Variants in DOCK5 observed in about 807,000 individuals in gnomAD.
DOCK5 encodes the protein dedicator of cytokinesis 5, also known as dedicator of cytokinesis protein 5.
Under a neutral mutation model 251.8 loss-of-function variants are expected in DOCK5, and 142 were observed. That is an observed-to-expected ratio of 0.56 (90% CI 0.49 to 0.65). The LOEUF is 0.65. DOCK5 is among the 30% of genes least tolerant of loss of function. DOCK5 has a pLI of 0.00. For synonymous variants in DOCK5, 842 were observed against 835.5 expected (o/e 1.01, Z -0.13); for missense variants, 2,111 against 2,312.3 (o/e 0.91, Z 1.79).
At chr8:25,187,364 TTGTGTGTGTGTG>T (rs34685735) in intron 1 of DOCK5, among the ~76,000 whole-genome samples, 42 of 136,610 alleles carry the variant, frequency 3.1e-4, no homozygotes, top group African/African-American at 9.6e-4. Flanking sequence ...TGGGTGGAAA[TTGTGTGTGTGTG>T]TGTGTGTGTG....
intron 4 of DOCK5, among the ~76,000 whole-genome samples, chr8:25,275,809 C>T (rs1485646138): frequency 1.3e-5 from 2 of 152,086 alleles, no homozygotes; most frequent in African/African-American, 4.8e-5. Flanking sequence ...ACACTCTAAC[C>T]TGGGTGACAG....
intron 28 of DOCK5, 69 bp downstream of exon 28, chr8:25,359,130 C>A: frequency 1.4e-6 from 2 of 1,391,116 alleles, no homozygotes; most frequent in Non-Finnish European, 2.0e-6. Flanking sequence ...ATGACTGAAG[C>A]TGAGCATCGT....
At chr8:25,197,196 A>G (rs535144734) in intron 1 of DOCK5, among the ~76,000 whole-genome samples, 2 of 152,296 alleles carry the variant, frequency 1.3e-5, no homozygotes, top group African/African-American at 2.4e-5. Context: ...CTCCGGAATA[A>G]TGGGGGTTTT....
chr8:25,388,964 A>G (rs1460412940), intron 40 of DOCK5, 127 bp from the exon 41 acceptor site: 3 of 852,756 alleles, frequency 3.5e-6, no homozygotes, highest in South Asian at 1.8e-5. Flanking sequence ...CTAGATTTTC[A>G]GTGAGAACTT....
chr8:25,347,886 T>G (rs558629706), intron 26 of DOCK5, among the ~76,000 whole-genome samples: 2 of 152,296 alleles, frequency 1.3e-5, no homozygotes, highest in South Asian at 4.2e-4. Flanking sequence ...TCTACCAACC[T>G]TCTCACCACC....
intron 2 of DOCK5, among the ~76,000 whole-genome samples, chr8:25,247,745 C>T (rs188920491): frequency 6.6e-6 from 1 of 152,286 alleles, no homozygotes; most frequent in Admixed American, 6.5e-5. Flanking sequence ...ATCACAGATA[C>T]ATTCATTTCA....
At chr8:25,225,035 T>G (rs530424860) in intron 1 of DOCK5, among the ~76,000 whole-genome samples, 1 of 152,266 alleles carries the variant, frequency 6.6e-6, no homozygotes. Flanking sequence ...AAAACCACAA[T>G]GAAATATCAC....
intron 51 of DOCK5, among the ~76,000 whole-genome samples, chr8:25,410,939 A>ATGTGTGTGTGTG (rs763758410): frequency 5.9e-4 from 60 of 102,124 alleles, no homozygotes; most frequent in African/African-American, 2.0e-3. Context: ...GAGAGAGAAA[A>ATGTGTGTGTGTG]TGTGTGTGTG....
chr8:25,298,917 G>GT (rs779351553), intron 7 of DOCK5, 27 bp from the exon 8 acceptor site: 1 of 1,561,098 alleles, frequency 6.4e-7, no homozygotes, highest in Non-Finnish European at 8.6e-7. Flanking sequence ...AAATCAAGAT[G>GT]TTTTTCTCTG....
intron 5 of DOCK5, among the ~76,000 whole-genome samples, chr8:25,289,836 C>T (rs1804442782): frequency 6.6e-6 from 1 of 151,888 alleles, no homozygotes; most frequent in Non-Finnish European, 1.5e-5. Context: ...GAGCAAAACT[C>T]CGTTTCCAAA....
intron 5 of DOCK5, among the ~76,000 whole-genome samples, chr8:25,287,263 C>T (rs186702149): frequency 8.7e-4 from 132 of 152,254 alleles, no homozygotes; most frequent in Non-Finnish European, 1.5e-3. Flanking sequence ...ACTGTCTCTA[C>T]TAAAAATAAG....
At chr8:25,205,293 C>G (rs377208051) in intron 1 of DOCK5, among the ~76,000 whole-genome samples, 4 of 152,252 alleles carry the variant, frequency 2.6e-5, no homozygotes, top group African/African-American at 9.6e-5. Context: ...TTCTCTTTCT[C>G]TCTCTATGCT....
intron 3 of DOCK5, among the ~76,000 whole-genome samples, chr8:25,270,244 A>C (rs970615708): frequency 1.3e-5 from 2 of 152,142 alleles, no homozygotes; most frequent in African/African-American, 4.8e-5. Flanking sequence ...TTTTCATTTA[A>C]TCTCTTGCTG....
intron 28 of DOCK5, among the ~76,000 whole-genome samples, chr8:25,361,912 T>C (rs139675236): frequency 1.4e-4 from 22 of 152,334 alleles, no homozygotes; most frequent in Non-Finnish European, 2.9e-4. Context: ...TGTAGGTTAG[T>C]GCCAGAGAAA....
At chr8:25,400,847 C>T in intron 46 of DOCK5, 82 bp from the exon 47 acceptor site, 2 of 1,517,206 alleles carry the variant, frequency 1.3e-6, no homozygotes, top group Non-Finnish European at 1.8e-6. Context: ...ACCTTTCCAC[C>T]CCATCCCTCC....
chr8:25,203,974 T>G (rs1801940018), intron 1 of DOCK5, among the ~76,000 whole-genome samples: 1 of 152,164 alleles, frequency 6.6e-6, no homozygotes, highest in Non-Finnish European at 1.5e-5. Flanking sequence ...AAATGAAACG[T>G]GTTCTTTCGT....
rs1263390308 is a variant in DOCK5, at chr8:25,414,803, C to G, written c.*3505C>G. The G allele has an allele frequency of 6.6e-6, 1 of 151,552 alleles. No homozygotes were observed. Among genetic ancestry groups the G allele is most frequent in the Non-Finnish European group, 1.5e-5 (1 of 67,962 alleles). The allele number at this position is 151,552 out of a possible 1,614,324, so 9.4% of individuals were successfully genotyped here. Reference sequence around the variant, plus strand: ...TTGTGGCTTCCTTTCTCATACTTCTCAGGTATAATGAAAGGGGGAGAAAAA... The same window carrying G: ...TTGTGGCTTCCTTTCTCATACTTCTGAGGTATAATGAAAGGGGGAGAAAAA... On this transcript the variant is annotated 3_prime_UTR_variant, in exon 52 of 52. Coordinates refer to ENST00000276440, the MANE Select transcript of DOCK5 (RefSeq NM_024940.8).
At position 25,415,479 on chromosome 8, in the gene DOCK5, G is replaced by A. The variant is rs967363943; in HGVS notation, c.*4181G>A. On this transcript the variant is annotated 3_prime_UTR_variant, in exon 52 of 52. Coordinates refer to ENST00000276440, the MANE Select transcript of DOCK5 (RefSeq NM_024940.8). The stretch of plus-strand genomic sequence containing the variant: ...AGGAAATTCATGATTTCACTCTGAC[G>A]CCTAGGATCTAGCCAAGGCTGGTCT... 6.6e-6 allele frequency: 1 copy of A among 152,096 alleles called. No homozygotes were observed. The highest frequency in any genetic ancestry group is 1.5e-5 in the Non-Finnish European group (1 of 68,016). The allele number at this position is 152,096 out of a possible 1,614,324, so 9.4% of individuals were successfully genotyped here.
At chr8:25,278,477 C>T in intron 4 of DOCK5, 92 bp from the exon 5 acceptor site, 1 of 1,287,482 alleles carries the variant, frequency 7.8e-7, no homozygotes, top group Non-Finnish European at 1.1e-6. Context: ...CAGCTTCATT[C>T]TCAACCTTGA....
Sources: allele counts gnomAD v4.1 joint callset (sites outside exome capture counted in the v4.1 genomes callset), GRCh38; gene constraint gnomAD v4.1.1; transcripts MANE v1.5; gene names NCBI Gene and HGNC (gene_info 2026-07-23, HGNC 2026-07-21).